Variants in COL14A1 observed in about 807,000 individuals in gnomAD.
COL14A1 encodes collagen alpha-1(XIV) chain.
Under a neutral mutation model 230.3 loss-of-function variants are expected in COL14A1, and 136 were observed. That is an observed-to-expected ratio of 0.59 (90% CI 0.51 to 0.68). COL14A1 has a LOEUF of 0.68. Among genes scored for constraint, COL14A1 ranks in the 30% least tolerant of loss-of-function variants. COL14A1 has a pLI of 0.00. For synonymous variants in COL14A1, 792 were observed against 784.1 expected, an observed-to-expected ratio of 1.01 and a Z score of -0.17; for missense variants, 1,976 against 2,215.8, an observed-to-expected ratio of 0.89 and a Z score of 2.17.
chr8:120,321,223 T>G (rs982104091), intron 40 of COL14A1, among the ~76,000 whole-genome samples: 4 of 152,166 alleles, frequency 2.6e-5, no homozygotes, highest in Admixed American at 6.6e-5. Context: ...ATACTGATGC[T>G]TCACCCATAA....
intron 42 of COL14A1, among the ~76,000 whole-genome samples, chr8:120,337,840 C>T (rs181311570): frequency 2.2e-4 from 34 of 152,186 alleles, no homozygotes; most frequent in Admixed American, 1.3e-3. Flanking sequence ...ATCAAAGGAA[C>T]GATGTCAGAG....
rs756636311 is a variant in COL14A1, at chr8:120,371,986, G to A, written c.*755G>A. ...ACTTTGTACATGCAGATAAGTTTTC[G>A]CAAACCTATTTCCATTTTCTTTTGT... On this transcript the variant is annotated 3_prime_UTR_variant, in exon 48 of 48. Coordinates refer to ENST00000297848, the MANE Select transcript of COL14A1 (RefSeq NM_021110.4). 8 of 222,020 alleles carry A rather than the reference G, an allele frequency of 3.6e-5. No homozygotes were observed. Among genetic ancestry groups the A allele is most frequent in the South Asian group, 1.8e-4 (1 of 5,442 alleles). The allele number at this position is 222,020 out of a possible 1,614,324, so 13.8% of individuals were successfully genotyped here.
chr8:120,305,685 T>C (rs1204855992), intron 36 of COL14A1, among the ~76,000 whole-genome samples: 1 of 152,194 alleles, frequency 6.6e-6, no homozygotes, highest in African/African-American at 2.4e-5. Context: ...TTTCTTGGTT[T>C]TTCTTAATTT....
At chr8:120,193,046 C>T (rs959010649) in intron 5 of COL14A1, among the ~76,000 whole-genome samples, 14 of 152,188 alleles carry the variant, frequency 9.2e-5, no homozygotes, top group Admixed American at 6.5e-4. Flanking sequence ...TCTCTCAACT[C>T]GTCAAAGTCA....
intron 1 of COL14A1, among the ~76,000 whole-genome samples, chr8:120,141,602 A>G (rs764618050): frequency 6.6e-6 from 1 of 152,166 alleles, no homozygotes; most frequent in Non-Finnish European, 1.5e-5. Flanking sequence ...CTATGGTTAC[A>G]ATGCTTTTTC....
In COL14A1 at chr8:120,201,314, A is replaced by G. The variant is rs543528328; in HGVS notation, c.877+1748A>G. On this transcript the variant is annotated intron_variant, in intron 8 of 47. Coordinates refer to ENST00000297848, the MANE Select transcript of COL14A1 (RefSeq NM_021110.4). Reference sequence around the variant, plus strand: ...TGTGGTGCAGGAGGAGGTAGCTGTTATAGCTCAGTGTTGTGCAGGAGCCAG... The same window carrying G: ...TGTGGTGCAGGAGGAGGTAGCTGTTGTAGCTCAGTGTTGTGCAGGAGCCAG... Among the ~76,000 whole-genome samples, 88 of 152,236 alleles carry G rather than the reference A, an allele frequency of 5.8e-4. 1 individual carries two copies. The highest frequency in any genetic ancestry group is 4.4e-3 in the South Asian group (21 of 4,824).
intron 19 of COL14A1, among the ~76,000 whole-genome samples, chr8:120,242,765 A>G (rs2130848732): frequency 6.6e-6 from 1 of 152,246 alleles, no homozygotes; most frequent in African/African-American, 2.4e-5. Flanking sequence ...AAAATCATCT[A>G]ATTTAGATTT....
At chr8:120,210,793 G>A (rs776068889) in intron 12 of COL14A1, among the ~76,000 whole-genome samples, 44 of 151,814 alleles carry the variant, frequency 2.9e-4, no homozygotes, top group Non-Finnish European at 5.0e-4. Context: ...AAATCTTTAG[G>A]GTCAAAAAAA....
chr8:120,229,211 C>A (rs550494399), intron 18 of COL14A1, among the ~76,000 whole-genome samples: 1 of 150,974 alleles, frequency 6.6e-6, no homozygotes, highest in Admixed American at 6.6e-5. Context: ...ACTGCACACA[C>A]TAACTCGTCA....
chr8:120,236,705 C>T lies in COL14A1; in HGVS notation c.2349+5087C>T, dbSNP rs371356737. Among the ~76,000 whole-genome samples, 56 of 152,228 alleles carry T rather than the reference C, an allele frequency of 3.7e-4. 1 individual carries two copies. The South Asian group carries it at 9.8e-3, about 27-fold the overall frequency. On this transcript the variant is annotated intron_variant, in intron 19 of 47. Coordinates refer to ENST00000297848, the MANE Select transcript of COL14A1 (RefSeq NM_021110.4). ...AGCCCATTAGTTGATGCAGTTTCTT[C>T]GTAATGTCAATGGTCTTTGCAATTT...
chr8:120,250,703 G>A lies in COL14A1; in HGVS notation c.2689G>A (p.Val897Met). Reference protein sequence around the residue: ...TNLLSGMDYNVKIFASQASGF... With the variant: ...TNLLSGMDYNMKIFASQASGF... ...CCTCCTCAGCGGAATGGACTACAAT[G>A]TGAAGATATTTGCCTCCCAGGCCTC... The change falls in exon 22 of 48, where the codon GTG (valine) becomes ATG (methionine). Residue 897 changes from valine (V) to methionine (M), a missense_variant. Physicochemically the swap from Val to Met is conservative, Grantham distance 21. Coordinates refer to ENST00000297848, the MANE Select transcript of COL14A1 (RefSeq NM_021110.4). 6.2e-7 allele frequency: 1 copy of A among 1,614,254 alleles called. No homozygotes were observed. The highest frequency in any genetic ancestry group is 1.3e-5 in the African/African-American group (1 of 75,060).
chr8:120,209,882 T>C lies in COL14A1; in HGVS notation c.1448T>C (p.Leu483Pro). ...LILYAPLTEG[L>P]AGDEKEMKIG... Reference sequence around the variant, plus strand: ...CTTTATGCTCCTCTAACAGAGGGCCTGGCTGGGGATGAAAAAGAGGTAACC... The same window carrying C: ...CTTTATGCTCCTCTAACAGAGGGCCCGGCTGGGGATGAAAAAGAGGTAACC... Residue 483 changes from leucine (L) to proline (P), a missense_variant, in exon 12 of 48, where the codon CTG (leucine) becomes CCG (proline). Physicochemically the swap from Leu to Pro is moderately conservative, Grantham distance 98. This residue lies in a region of COL14A1 where 1,791 missense variants were observed against 2,019.5 expected (regional missense o/e 0.89). Coordinates refer to ENST00000297848, the MANE Select transcript of COL14A1 (RefSeq NM_021110.4). The C allele has an allele frequency of 1.2e-6, 2 of 1,606,982 alleles. No individual in the cohort carries two copies. The highest frequency in any genetic ancestry group is 1.7e-6 in the Non-Finnish European group (2 of 1,177,436).
intron 33 of COL14A1, 138 bp downstream of exon 33, chr8:120,286,108 GT>G (rs1261298661): frequency 8.0e-5 from 49 of 613,462 alleles, no homozygotes; most frequent in South Asian, 6.9e-4. Context: ...AACAATACCT[GT>G]GCTTGTTAAC....
intron 41 of COL14A1, 56 bp from the exon 42 acceptor site, chr8:120,332,608 C>A (rs1158502594): frequency 3.4e-6 from 5 of 1,462,942 alleles, no homozygotes; most frequent in Non-Finnish European, 4.8e-6. Context: ...AGTTGGCTGT[C>A]ATTGATGAGA....
intron 1 of COL14A1, among the ~76,000 whole-genome samples, chr8:120,141,695 C>T (rs1321523212): frequency 6.6e-6 from 1 of 152,118 alleles, no homozygotes; most frequent in Non-Finnish European, 1.5e-5. Context: ...ACATGAGATG[C>T]AGATTAACCT....
At chr8:120,214,856 C>T (rs1415185797) in intron 13 of COL14A1, among the ~76,000 whole-genome samples, 2 of 152,044 alleles carry the variant, frequency 1.3e-5, no homozygotes, top group African/African-American at 2.4e-5. Flanking sequence ...GAAAGCTTCA[C>T]CAAGCAGGTG....
intron 3 of COL14A1, among the ~76,000 whole-genome samples, chr8:120,158,565 A>T (rs1226140475): frequency 6.6e-6 from 1 of 152,224 alleles, no homozygotes; most frequent in Non-Finnish European, 1.5e-5. Context: ...AATAGTTTTG[A>T]CTAGTTGAAT....
intron 4 of COL14A1, among the ~76,000 whole-genome samples, chr8:120,165,190 C>T (rs964182931): frequency 6.6e-6 from 1 of 152,144 alleles, no homozygotes; most frequent in Non-Finnish European, 1.5e-5. Context: ...TTTTGCATTT[C>T]ATTTATATTC....
intron 19 of COL14A1, among the ~76,000 whole-genome samples, chr8:120,242,708 T>G (rs763495011): frequency 1.8e-4 from 27 of 152,194 alleles, no homozygotes; most frequent in South Asian, 2.1e-4. Context: ...CCTGTACATT[T>G]CAATGGCCCT....
Sources: gnomAD v4.1 joint callset for allele counts (sites outside exome capture counted in the v4.1 genomes callset) on GRCh38, gnomAD v4.1.1 for gene constraint, gnomAD v4.1.1 regional missense constraint, MANE v1.5 for transcripts, NCBI Gene and HGNC (gene_info 2026-07-23, HGNC 2026-07-21) for gene names.